The following TECTA variants were observed in gnomAD, a reference collection of about 807,000 sequenced individuals.
TECTA encodes tectorin alpha.
A neutral mutation model predicts 216.8 loss-of-function variants in TECTA; 128 were observed. That is an observed-to-expected ratio of 0.59 (90% CI 0.51 to 0.68). TECTA has a LOEUF of 0.68. TECTA is among the 30% of genes least tolerant of loss of function. TECTA has a pLI of 0.00. For missense variants in TECTA, 2,551 were observed against 2,786.2 expected (o/e 0.92, Z 1.90); for synonymous variants, 1,089 against 1,117.1 (o/e 0.97, Z 0.50).
chr11:121,186,251 C>T (rs927375224), intron 20 of TECTA, among the ~76,000 whole-genome samples: 14 of 152,200 alleles, frequency 9.2e-5, no homozygotes, highest in Non-Finnish European at 2.1e-4. Flanking sequence ...TGTTTCTCTC[C>T]AGCTGTGTGG....
chr11:121,168,370 A>G (rs1438377733), intron 19 of TECTA, 153 bp downstream of exon 19: 9 of 1,061,120 alleles, frequency 8.5e-6, no homozygotes, highest in South Asian at 3.9e-5. Flanking sequence ...ACATTGTTCA[A>G]TAGAACTCTC....
chr11:121,110,162 CAG>C (rs2135055959), intron 4 of TECTA: 1 of 154,572 alleles, frequency 6.5e-6, no homozygotes, highest in African/African-American at 2.4e-5. Flanking sequence ...GCCATTATTG[CAG>C]AGATAATCAA....
chr11:121,152,909 CGA>C lies in TECTA; in HGVS notation c.4138_4139del (p.Ser1380LeufsTer17). 1 of 1,607,368 alleles carries C rather than the reference CGA, an allele frequency of 6.2e-7. No homozygotes were observed. Among genetic ancestry groups the C allele is most frequent in the Non-Finnish European group, 8.5e-7 (1 of 1,174,578 alleles). On this transcript the variant is annotated frameshift_variant, in exon 13 of 24. Transcript: ENST00000392793. LOFTEE classifies it high-confidence loss of function. Reference protein sequence around the residue: ...TVTCPPNSHYESCVSVCQPRC... With the variant: ...TVTCPPNSHYXSCVSVCQPRC... ...TCACCTGCCCTCCAAACAGCCATTA[CGA>C]GAGCTGCGTGAGTGTCTGCCAGCCC...
chr11:121,133,515 C>G (rs475731), intron 10 of TECTA, among the ~76,000 whole-genome samples: 1 of 152,076 alleles, frequency 6.6e-6, no homozygotes, highest in African/African-American at 2.4e-5. Flanking sequence ...ATTTCATTGT[C>G]GTGTCTCTTT....
In TECTA at chr11:121,119,591, A is replaced by G. The variant is rs1946537324; in HGVS notation, c.1203+873A>G. On this transcript the variant is annotated intron_variant, in intron 7 of 23. Transcript: ENST00000392793. Reference sequence around the variant, plus strand: ...TGTATTTATTCAAGCAGTAATAACCAAGACCACAAGGGGCTGATTGCTGCA... The same window carrying G: ...TGTATTTATTCAAGCAGTAATAACCGAGACCACAAGGGGCTGATTGCTGCA... 3.9e-5 allele frequency among the ~76,000 whole-genome samples: 6 copies of G among 152,242 alleles called. No homozygotes were observed. The South Asian group carries it at 1.2e-3, about 31-fold the overall frequency.
chr11:121,138,993 A>C (rs1464823183), intron 11 of TECTA, among the ~76,000 whole-genome samples: 1 of 152,208 alleles, frequency 6.6e-6, no homozygotes, highest in East Asian at 1.9e-4. Context: ...ACCTAACTAA[A>C]GAGTTCCCTG....
chr11:121,169,602 A>G (rs1012169236), intron 20 of TECTA, among the ~76,000 whole-genome samples: 2 of 152,206 alleles, frequency 1.3e-5, no homozygotes, highest in South Asian at 2.1e-4. Flanking sequence ...TTATAATACA[A>G]TTTACTTGCT....
intron 14 of TECTA, among the ~76,000 whole-genome samples, 176 bp from the exon 15 acceptor site, chr11:121,159,959 C>T (rs538122364): frequency 6.6e-6 from 1 of 152,296 alleles, no homozygotes; most frequent in East Asian, 1.9e-4. Context: ...CACAGCCACA[C>T]TCATTTAGTT....
chr11:121,155,196 A>G (rs542804251), intron 13 of TECTA, among the ~76,000 whole-genome samples: 2 of 152,358 alleles, frequency 1.3e-5, no homozygotes, highest in South Asian at 2.1e-4. Flanking sequence ...ATTGTCATGT[A>G]TGATTCAAGT....
In TECTA at chr11:121,127,745, G is replaced by T. The variant is rs771190557; in HGVS notation, c.1775-7G>T. On this transcript the variant is annotated splice_region_variant and splice_polypyrimidine_tract_variant and intron_variant, in intron 8 of 23. Coordinates refer to ENST00000392793, the MANE Select transcript of TECTA (RefSeq NM_005422.4). The surrounding 1 kb of genome is among the most constrained non-coding windows in gnomAD (Gnocchi z 5.0). ...TGTTATCGGCTCTCTTCCTTTCCCCGCGTCAGTGTCCACAGTGCAGTGCCC... is the reference window on the plus strand; with the variant it reads ...TGTTATCGGCTCTCTTCCTTTCCCCTCGTCAGTGTCCACAGTGCAGTGCCC... 2.5e-6 allele frequency: 4 copies of T among 1,613,798 alleles called. No individual in the cohort carries two copies. Among genetic ancestry groups the T allele is most frequent in the Admixed American group, 1.7e-5 (1 of 59,992 alleles).
chr11:121,115,555 T>A (rs1031901790), intron 6 of TECTA, among the ~76,000 whole-genome samples: 1 of 152,162 alleles, frequency 6.6e-6, no homozygotes, highest in Non-Finnish European at 1.5e-5. Context: ...AGGAGGTGCC[T>A]TTATCCCCTC....
intron 3 of TECTA, among the ~76,000 whole-genome samples, chr11:121,108,561 T>TAC (rs151017407): frequency 4.7e-4 from 62 of 130,766 alleles, no homozygotes; most frequent in East Asian, 7.0e-4. Context: ...CCACCCCCAG[T>TAC]ACACACACAC....
chr11:121,183,008 G>A (rs1385339963), intron 20 of TECTA, among the ~76,000 whole-genome samples: 6 of 152,176 alleles, frequency 3.9e-5, no homozygotes, highest in Non-Finnish European at 8.8e-5. Flanking sequence ...GCAGGCAGGT[G>A]GCTCTTGGGT....
intron 15 of TECTA, 137 bp downstream of exon 15, chr11:121,160,558 T>C: frequency 7.9e-7 from 1 of 1,257,882 alleles, no homozygotes; most frequent in Non-Finnish European, 1.1e-6. Flanking sequence ...CTCTTTGGAG[T>C]TTTGATGCTA....
Position 121,189,135 on chromosome 11 carries a change from A to C in TECTA, c.6218A>C (p.Gln2073Pro). Reference protein sequence around the residue: ...ATDYTKEPKEQIISVGPIRRK... With the variant: ...ATDYTKEPKEPIISVGPIRRK... The stretch of plus-strand genomic sequence containing the variant: ...GATTACACAAAAGAGCCCAAAGAAC[A>C]GATCATTTCAGTGGGACCTATTAGG... Residue 2073 changes from glutamine (Q) to proline (P), a missense_variant, in exon 22 of 24, where the codon CAG becomes CCG. By Grantham distance (76) the Gln-to-Pro change is moderately conservative. This residue lies in a region of TECTA where 118 missense variants were observed against 116.4 expected (regional missense o/e 1.01). Coordinates refer to ENST00000392793, the MANE Select transcript of TECTA (RefSeq NM_005422.4). 1 of 1,614,200 alleles carries C rather than the reference A, an allele frequency of 6.2e-7. No individual in the cohort carries two copies. The highest frequency in any genetic ancestry group is 1.3e-5 in the African/African-American group (1 of 75,048).
chr11:121,189,063 G>C lies in TECTA; in HGVS notation c.6163-17G>C, dbSNP rs1209103825. The C allele has an allele frequency of 3.1e-6, 5 of 1,613,386 alleles. No individual in the cohort carries two copies. In the African/African-American group the frequency reaches 6.7e-5, roughly 22 times the overall value. ...CTTAATTGTGTGAAAATTTCCCCCT[G>C]GTATTCTGTCTTGCAGACTTGCCCA... On this transcript the variant is annotated splice_polypyrimidine_tract_variant and intron_variant, in intron 21 of 23. Coordinates refer to ENST00000392793, the MANE Select transcript of TECTA (RefSeq NM_005422.4).
At chr11:121,118,249 C>T (rs770198994) in intron 6 of TECTA, 57 bp from the exon 7 acceptor site, 24 of 1,603,794 alleles carry the variant, frequency 1.5e-5, no homozygotes, top group Non-Finnish European at 2.0e-5. Flanking sequence ...TAGCCCAATG[C>T]CTGGCACAGA....
At chr11:121,129,574 A>G in intron 9 of TECTA, 64 bp from the exon 10 acceptor site, 1 of 1,549,236 alleles carries the variant, frequency 6.5e-7, no homozygotes, top group South Asian at 1.1e-5. Flanking sequence ...TTTATCCCAC[A>G]GCCTAGGAAA....
At chr11:121,188,739 A>T (rs187766187) in intron 21 of TECTA, among the ~76,000 whole-genome samples, 1 of 152,230 alleles carries the variant, frequency 6.6e-6, no homozygotes, top group Non-Finnish European at 1.5e-5. Flanking sequence ...CAACTTACAG[A>T]TGATACTGCA....
Sources: gnomAD v4.1 joint callset for allele counts (sites outside exome capture counted in the v4.1 genomes callset) on GRCh38, gnomAD v4.1.1 for gene constraint, gnomAD v4.1.1 regional missense constraint, Gnocchi (gnomAD v3.1) non-coding constraint, MANE v1.5 for transcripts, NCBI Gene and HGNC (gene_info 2026-07-23, HGNC 2026-07-21) for gene names.